The following AFG1L variants were observed in gnomAD, a reference collection of about 807,000 sequenced individuals.
AFG1L encodes AFG1-like ATPase.
Under a neutral mutation model 62.2 loss-of-function variants are expected in AFG1L, and 53 were observed. That is an observed-to-expected ratio of 0.85 (90% confidence interval 0.68 to 1.07). The LOEUF (loss-of-function observed/expected upper bound fraction) is 1.07, where lower values mean the gene tolerates loss of function less well. Ranked by LOEUF, AFG1L falls within the 50% of genes least tolerant of loss-of-function variation. AFG1L has a pLI of 0.00. For missense variants in AFG1L, 555 were observed against 590.5 expected (o/e 0.94, Z 0.62); for synonymous variants, 228 against 210.3 (o/e 1.08, Z -0.73).
chr6:108,464,032 G>A (rs575701208), intron 8 of AFG1L, among the ~76,000 whole-genome samples: 2 of 152,274 alleles, frequency 1.3e-5, no homozygotes, highest in Non-Finnish European at 2.9e-5. Flanking sequence ...TTTCTGCGTC[G>A]AATCAACTTT....
intron 7 of AFG1L, among the ~76,000 whole-genome samples, chr6:108,422,490 A>AAAAAAAAAAAAAAAAAAAAAAAAG (rs1770641868): frequency 6.8e-6 from 1 of 147,968 alleles, no homozygotes; most frequent in African/African-American, 2.5e-5. Flanking sequence ...AAAAAAAAAA[A>AAAAAAAAAAAAAAAAAAAAAAAAG]AAAAAAAAAG....
In AFG1L at chr6:108,510,331, C is replaced by T. The variant is rs144523540; in HGVS notation, c.1182C>T (p.Ile394=). The part of the protein sequence containing the change: ...RTQGRRFITL[I]DNFYDLKVRI... The stretch of plus-strand genomic sequence containing the variant: ...AAGGTCGAAGATTCATAACTCTCAT[C>T]GATAACTTTTATGATCTCAAGGTAA... Residue 394 remains isoleucine, a synonymous_variant, in exon 11 of 13, where the codon ATC becomes ATT. Coordinates refer to ENST00000368977, the MANE Select transcript of AFG1L (RefSeq NM_145315.5). The T allele has an allele frequency of 5.4e-5, 87 of 1,610,050 alleles. No individual in the cohort carries two copies. In the African/African-American group the frequency reaches 7.8e-4, roughly 14 times the overall value.
chr6:108,489,703 C>A (rs1007868138), intron 10 of AFG1L, among the ~76,000 whole-genome samples: 5 of 152,150 alleles, frequency 3.3e-5, no homozygotes, highest in African/African-American at 7.2e-5. Flanking sequence ...CGAGGACAAG[C>A]CACCTAGGGC....
chr6:108,512,751 A>G (rs1774705077), intron 11 of AFG1L, among the ~76,000 whole-genome samples: 1 of 151,712 alleles, frequency 6.6e-6, no homozygotes, highest in Non-Finnish European at 1.5e-5. Flanking sequence ...TGGCAATATG[A>G]TAGAATATTC....
At chr6:108,512,209 C>G (rs1015126510) in intron 11 of AFG1L, among the ~76,000 whole-genome samples, 2 of 152,220 alleles carry the variant, frequency 1.3e-5, no homozygotes, top group African/African-American at 2.4e-5. Flanking sequence ...GGGCTAAACT[C>G]TATGCACAGA....
chr6:108,384,061 T>TAA (rs541978025), intron 6 of AFG1L, among the ~76,000 whole-genome samples: 12,911 of 79,866 alleles, frequency 0.16, 1,125 homozygotes, highest in African/African-American at 0.3. Flanking sequence ...TCCTGGAGAG[T>TAA]AAAAAAAAAA....
chr6:108,320,610 A>G (rs1444210997), intron 1 of AFG1L, among the ~76,000 whole-genome samples: 2 of 152,188 alleles, frequency 1.3e-5, no homozygotes, highest in African/African-American at 2.4e-5. Context: ...CTCTTTGGCC[A>G]TGATTTTGAG....
chr6:108,509,484 A>G (rs928133596), intron 10 of AFG1L, among the ~76,000 whole-genome samples: 2 of 152,226 alleles, frequency 1.3e-5, no homozygotes, highest in African/African-American at 2.4e-5. Flanking sequence ...TCAGCATGCC[A>G]TTATCAAATA....
chr6:108,478,802 C>T (rs1467405102), intron 10 of AFG1L, among the ~76,000 whole-genome samples: 3 of 152,042 alleles, frequency 2.0e-5, no homozygotes, highest in African/African-American at 7.2e-5. Context: ...TGAGTTTTAT[C>T]CACATTTTAA....
chr6:108,438,332 G>A (rs1038981747), intron 7 of AFG1L, among the ~76,000 whole-genome samples: 4 of 152,124 alleles, frequency 2.6e-5, no homozygotes, highest in African/African-American at 9.7e-5. Flanking sequence ...TGACTTGCAG[G>A]TGGCCACCTT....
intron 1 of AFG1L, among the ~76,000 whole-genome samples, chr6:108,314,905 T>A (rs1777534434): frequency 6.6e-6 from 1 of 152,018 alleles, no homozygotes; most frequent in Admixed American, 6.6e-5. Context: ...AGTGGGGTGA[T>A]CTTGGCTCAT....
chr6:108,387,915 T>C (rs966186013), intron 6 of AFG1L: 1 of 151,986 alleles, frequency 6.6e-6, no homozygotes, highest in Non-Finnish European at 1.5e-5. Flanking sequence ...TTTATTTATT[T>C]ATTTTTTTTT....
chr6:108,458,846 C>T (rs889434463), intron 8 of AFG1L, among the ~76,000 whole-genome samples: 5 of 151,552 alleles, frequency 3.3e-5, no homozygotes, highest in East Asian at 1.9e-4. Context: ...TTTATATTGT[C>T]GGGTACTGGA....
At chr6:108,303,978 C>G (rs899934966) in intron 1 of AFG1L, among the ~76,000 whole-genome samples, 4 of 152,142 alleles carry the variant, frequency 2.6e-5, no homozygotes, top group South Asian at 2.1e-4. Context: ...CATTATTTCA[C>G]TGATTTGTTA....
intron 8 of AFG1L, among the ~76,000 whole-genome samples, chr6:108,475,428 A>G (rs1773069355): frequency 6.6e-6 from 1 of 152,066 alleles, no homozygotes; most frequent in Admixed American, 6.6e-5. Context: ...TGTATACACC[A>G]AAGGTGGTGT....
chr6:108,319,746 C>T (rs1225528252), intron 1 of AFG1L: 1 of 428,086 alleles, frequency 2.3e-6, no homozygotes, highest in Non-Finnish European at 4.7e-6. Flanking sequence ...GTAGCTGGGA[C>T]TACAGATGTG....
chr6:108,519,901 G>T, intron 12 of AFG1L, 91 bp downstream of exon 12: 1 of 721,516 alleles, frequency 1.4e-6, no homozygotes, highest in Non-Finnish European at 2.3e-6. Flanking sequence ...AAGAAATGCA[G>T]TGTATAGTTA....
chr6:108,501,166 T>C (rs553469868), intron 10 of AFG1L, among the ~76,000 whole-genome samples: 2 of 152,300 alleles, frequency 1.3e-5, no homozygotes, highest in East Asian at 1.9e-4. Context: ...GCTAATACTT[T>C]GTATTTTTAG....
Position 108,522,929 on chromosome 6 carries a change from A to G in AFG1L, c.*504A>G, listed in dbSNP as rs945654593. On this transcript the variant is annotated 3_prime_UTR_variant, in exon 13 of 13. Transcript: ENST00000368977. ...TTATATGTGGTTTTTTTTTTTGGTTATGAATTACAGTAAATCTCCCAGGCC... is the reference window on the plus strand; with the variant it reads ...TTATATGTGGTTTTTTTTTTTGGTTGTGAATTACAGTAAATCTCCCAGGCC... The G allele has an allele frequency of 6.6e-6, 1 of 151,016 alleles. No individual in the cohort carries two copies. Among genetic ancestry groups the G allele is most frequent in the Non-Finnish European group, 1.5e-5 (1 of 67,846 alleles). The allele number at this position is 151,016 out of a possible 1,614,324, so 9.4% of individuals were successfully genotyped here.
Sources: gnomAD v4.1 joint callset for allele counts (sites outside exome capture counted in the v4.1 genomes callset) on GRCh38, gnomAD v4.1.1 for gene constraint, MANE v1.5 for transcripts, NCBI Gene and HGNC (gene_info 2026-07-23, HGNC 2026-07-21) for gene names.